DPYS: variants seen among roughly 807,000 people sequenced by gnomAD.
DPYS encodes the protein dihydropyrimidinase, also known as dihydropyrimidine amidohydrolase.
Under a neutral mutation model 50.3 loss-of-function variants are expected in DPYS, and 39 were observed. The observed-to-expected ratio is 0.78, with a 90% CI of 0.60 to 1.01. The LOEUF (loss-of-function observed/expected upper bound fraction) is 1.01. DPYS is among the 50% of genes least tolerant of loss of function. DPYS has a pLI of 0.00. For missense variants in DPYS, 659 were observed against 680.9 expected, an observed-to-expected ratio of 0.97 and a Z score of 0.36; for synonymous variants, 245 against 250.7, an observed-to-expected ratio of 0.98 and a Z score of 0.22.
chr8:104,384,304 G>T (rs1223994450), intron 8 of DPYS, among the ~76,000 whole-genome samples: 2 of 152,138 alleles, frequency 1.3e-5, no homozygotes, highest in African/African-American at 4.8e-5. Context: ...CCTTAGAATT[G>T]GGTTACATAA....
chr8:104,397,047 C>T (rs1291240205), intron 7 of DPYS, among the ~76,000 whole-genome samples: 2 of 152,068 alleles, frequency 1.3e-5, no homozygotes, highest in Non-Finnish European at 2.9e-5. Flanking sequence ...CATTTGTCAC[C>T]CAACTTTTTC....
At chr8:104,465,394 T>G (rs930043555) in intron 1 of DPYS, among the ~76,000 whole-genome samples, 2 of 152,146 alleles carry the variant, frequency 1.3e-5, no homozygotes, top group Non-Finnish European at 2.9e-5. Flanking sequence ...CAAGGTATGG[T>G]CCAAGTGAAA....
chr8:104,466,575 C>T, intron 1 of DPYS, 82 bp downstream of exon 1: 7 of 1,401,192 alleles, frequency 5.0e-6, no homozygotes, highest in South Asian at 1.5e-5. Context: ...CGAGGCGGCC[C>T]TGCTGAGGAC....
intron 7 of DPYS, among the ~76,000 whole-genome samples, chr8:104,399,980 G>A (rs1811741085): frequency 6.6e-6 from 1 of 151,542 alleles, no homozygotes; most frequent in Admixed American, 6.6e-5. Flanking sequence ...ATGGGCAATT[G>A]CATTCTCTTT....
At chr8:104,441,339 T>C (rs1813349213) in intron 4 of DPYS, among the ~76,000 whole-genome samples, 1 of 152,204 alleles carries the variant, frequency 6.6e-6, no homozygotes, top group South Asian at 2.1e-4. Context: ...ACCCTCAAGA[T>C]ACCCATTTTG....
chr8:104,404,964 A>T (rs1811944921), intron 7 of DPYS, among the ~76,000 whole-genome samples: 1 of 152,236 alleles, frequency 6.6e-6, no homozygotes, highest in African/African-American at 2.4e-5. Flanking sequence ...AAAAGCAACA[A>T]TAACAACACA....
chr8:104,381,351 T>G (rs1229436098), intron 8 of DPYS, 37 bp from the exon 9 acceptor site: 1 of 1,587,258 alleles, frequency 6.3e-7, no homozygotes, highest in East Asian at 2.2e-5. Flanking sequence ...TTGTGGTTTA[T>G]TTTCTTGAGT....
At chr8:104,406,130 C>T (rs1811988495) in intron 7 of DPYS, among the ~76,000 whole-genome samples, 1 of 152,286 alleles carries the variant, frequency 6.6e-6, no homozygotes, top group South Asian at 2.1e-4. Flanking sequence ...CAAGTATGAA[C>T]CCCTGTGCTG....
chr8:104,394,887 G>T (rs1811527785), intron 7 of DPYS, among the ~76,000 whole-genome samples: 1 of 150,364 alleles, frequency 6.7e-6, no homozygotes, highest in South Asian at 2.2e-4. Flanking sequence ...CTCCAAGGTA[G>T]AGAGTATTTT....
intron 7 of DPYS, among the ~76,000 whole-genome samples, chr8:104,419,331 T>G (rs1812474244): frequency 6.6e-6 from 1 of 152,214 alleles, no homozygotes; most frequent in Non-Finnish European, 1.5e-5. Flanking sequence ...GGCTGCATCC[T>G]TCTCACTCAC....
intron 8 of DPYS, among the ~76,000 whole-genome samples, chr8:104,385,594 T>C (rs1214896705): frequency 6.6e-6 from 1 of 152,208 alleles, no homozygotes; most frequent in African/African-American, 2.4e-5. Context: ...GAGAGGCTGT[T>C]GCTGTGGTTT....
intron 7 of DPYS, among the ~76,000 whole-genome samples, chr8:104,406,446 T>C (rs905882019): frequency 6.6e-6 from 1 of 152,212 alleles, no homozygotes; most frequent in South Asian, 2.1e-4. Context: ...AGGTTTGCAA[T>C]GCTCCACCTT....
intron 8 of DPYS, among the ~76,000 whole-genome samples, chr8:104,389,112 A>C (rs897206443): frequency 2.0e-5 from 3 of 152,258 alleles, no homozygotes; most frequent in Non-Finnish European, 4.4e-5. Flanking sequence ...AGCTGAGTTC[A>C]GGGACTGACA....
chr8:104,440,198 T>A (rs540858221), intron 4 of DPYS, among the ~76,000 whole-genome samples: 100 of 152,308 alleles, frequency 6.6e-4, no homozygotes, highest in African/African-American at 2.2e-3. Flanking sequence ...ACTATCCCGC[T>A]CTTCTGGATA....
intron 7 of DPYS, among the ~76,000 whole-genome samples, chr8:104,396,530 T>G (rs1281751873): frequency 6.6e-6 from 1 of 152,182 alleles, no homozygotes; most frequent in East Asian, 1.9e-4. Flanking sequence ...TAGGCATTTA[T>G]GAAAGACTAG....
At chr8:104,405,704 C>T (rs1031699819) in intron 7 of DPYS, among the ~76,000 whole-genome samples, 31 of 152,250 alleles carry the variant, frequency 2.0e-4, no homozygotes, top group Admixed American at 8.5e-4. Context: ...GTAACATCAC[C>T]TCTGTCTGCC....
At chr8:104,465,627 T>A (rs1814347094) in intron 1 of DPYS, among the ~76,000 whole-genome samples, 1 of 152,132 alleles carries the variant, frequency 6.6e-6, no homozygotes. Flanking sequence ...ATCTTTGGCT[T>A]CTCTTGTCTT....
intron 8 of DPYS, among the ~76,000 whole-genome samples, chr8:104,388,524 T>C (rs1409300314): frequency 1.3e-5 from 2 of 152,256 alleles, no homozygotes; most frequent in Admixed American, 6.5e-5. Context: ...ATTAATAATA[T>C]GTAGTTTTGC....
chr8:104,418,912 A>G (rs1812459456), intron 7 of DPYS: 2 of 655,470 alleles, frequency 3.1e-6, no homozygotes, highest in East Asian at 1.4e-4. Context: ...TGGCTGTTGT[A>G]TAAGCTTGAC....
Sources: gnomAD v4.1 joint callset for allele counts (sites outside exome capture counted in the v4.1 genomes callset) on GRCh38, gnomAD v4.1.1 for gene constraint, MANE v1.5 for transcripts, NCBI Gene and HGNC (gene_info 2026-07-23, HGNC 2026-07-21) for gene names.